Variants in HERC4 observed in about 807,000 individuals in gnomAD.
The protein encoded by HERC4 is HECT and RLD domain containing E3 ubiquitin protein ligase 4, also known as probable E3 ubiquitin-protein ligase HERC4.
Under a neutral mutation model 124.3 loss-of-function variants are expected in HERC4, and 28 were observed. The observed-to-expected ratio is 0.23, with a 90% CI of 0.17 to 0.31. The LOEUF (loss-of-function observed/expected upper bound fraction) is 0.31. Among genes scored for constraint, HERC4 ranks in the 10% least tolerant of loss-of-function variants. The probability of loss-of-function intolerance (pLI) is 1.00; values close to 1 mark genes in which losing one functional copy is unlikely to be tolerated. For synonymous variants in HERC4, 407 were observed against 421.5 expected (o/e 0.97, Z 0.42); for missense variants, 713 against 1,229.3 (o/e 0.58, Z 6.28).
intron 23 of HERC4, among the ~76,000 whole-genome samples, chr10:67,931,935 A>G (rs1359144484): frequency 6.6e-6 from 1 of 151,930 alleles, no homozygotes; most frequent in African/African-American, 2.4e-5. Flanking sequence ...TAATTTTTAA[A>G]ATTATTTTTA....
Position 67,966,621 on chromosome 10 carries a change from T to C in HERC4, c.1926+62A>G, listed in dbSNP as rs2034881874. On this transcript the variant is annotated intron_variant, in intron 16 of 24. Transcript: ENST00000373700. The stretch of plus-strand genomic sequence containing the variant: ...TTCTCATTTCAAAACCAAGCAATTG[T>C]TTCTTTTTTTATTAGATACATATAC... 3.3e-6 allele frequency: 5 copies of C among 1,499,102 alleles called. No homozygotes were observed. In the Admixed American group the frequency reaches 1.1e-4, roughly 34 times the overall value. 92.9% of individuals were successfully genotyped at this position (1,499,102 alleles called of 1,614,324 possible). A position where few individuals can be genotyped will look rare whatever the true frequency, so the allele number is the denominator to read the frequency against.
Position 67,922,696 on chromosome 10 carries a change from A to G in HERC4, c.*235T>C. The G allele has an allele frequency of 3.3e-6, 1 of 301,086 alleles. No homozygotes were observed. Among genetic ancestry groups the G allele is most frequent in the East Asian group, 5.3e-5 (1 of 18,812 alleles). The allele number at this position is 301,086 out of a possible 1,614,324, so 18.7% of individuals were successfully genotyped here. ...AGTAAAACTTTAATGTATTCATAAT[A>G]CTTGCTATGTTTATTAGAAGATGGT... On this transcript the variant is annotated 3_prime_UTR_variant, in exon 25 of 25. Coordinates refer to ENST00000373700, the MANE Select transcript of HERC4 (RefSeq NM_015601.4).
intron 16 of HERC4, among the ~76,000 whole-genome samples, chr10:67,958,082 C>T: frequency 6.6e-6 from 1 of 152,190 alleles, no homozygotes; most frequent in South Asian, 2.1e-4. Context: ...GCTGGGATTA[C>T]AGGCGTGAGC....
chr10:68,054,223 C>T (rs1294793855), intron 3 of HERC4, among the ~76,000 whole-genome samples: 1 of 152,134 alleles, frequency 6.6e-6, no homozygotes, highest in Non-Finnish European at 1.5e-5. Context: ...TCCATTCTTA[C>T]ACATGTATGC....
chr10:68,049,874 G>A (rs1366442247), intron 3 of HERC4, among the ~76,000 whole-genome samples: 1 of 152,116 alleles, frequency 6.6e-6, no homozygotes, highest in Non-Finnish European at 1.5e-5. Context: ...TTGTGCCACT[G>A]CACTCAAGCC....
chr10:67,978,672 T>C (rs2035745941), intron 15 of HERC4, among the ~76,000 whole-genome samples: 1 of 152,178 alleles, frequency 6.6e-6, no homozygotes, highest in African/African-American at 2.4e-5. Context: ...TGAGACCCAG[T>C]GCTGTGCTGG....
chr10:68,042,399 T>G (rs983455583), intron 4 of HERC4, among the ~76,000 whole-genome samples: 3 of 152,210 alleles, frequency 2.0e-5, no homozygotes, highest in Non-Finnish European at 4.4e-5. Flanking sequence ...CCAAAGCCGG[T>G]GAATCCCTTG....
chr10:68,047,298 G>GC (rs1312723341), intron 3 of HERC4, among the ~76,000 whole-genome samples: 96 of 151,572 alleles, frequency 6.3e-4, no homozygotes, highest in Non-Finnish European at 1.6e-4. Flanking sequence ...GTGGAGAAAT[G>GC]CAAATTCAAA....
intron 3 of HERC4, among the ~76,000 whole-genome samples, chr10:68,060,414 T>C (rs2040944138): frequency 6.6e-6 from 1 of 151,922 alleles, no homozygotes; most frequent in Non-Finnish European, 1.5e-5. Flanking sequence ...ATTTTTGTAT[T>C]TTTTTTAGTA....
intron 3 of HERC4, among the ~76,000 whole-genome samples, chr10:68,054,623 C>A (rs2040466487): frequency 6.6e-6 from 1 of 152,038 alleles, no homozygotes; most frequent in African/African-American, 2.4e-5. Context: ...GGATTACAGG[C>A]ATGAGACATA....
intron 5 of HERC4, among the ~76,000 whole-genome samples, chr10:68,035,726 A>G (rs977535111): frequency 2.0e-5 from 3 of 151,960 alleles, no homozygotes; most frequent in African/African-American, 7.3e-5. Flanking sequence ...GCCTTCCTTT[A>G]TATTCTCCAA....
At chr10:67,927,302 C>A (rs1235414554) in intron 23 of HERC4, among the ~76,000 whole-genome samples, 1 of 147,672 alleles carries the variant, frequency 6.8e-6, no homozygotes. Flanking sequence ...ACATTTAAAG[C>A]TCCAAATCAT....
At chr10:68,049,590 C>CCAAAAAAAAAA (rs1554827735) in intron 3 of HERC4, among the ~76,000 whole-genome samples, 1 of 42,622 alleles carries the variant, frequency 2.3e-5, no homozygotes, top group African/African-American at 1.2e-4. Flanking sequence ...GACACTGCCA[C>CCAAAAAAAAAA]AAAAAAAAAA....
At chr10:67,930,985 T>C (rs1263636860) in intron 23 of HERC4, among the ~76,000 whole-genome samples, 1 of 152,068 alleles carries the variant, frequency 6.6e-6, no homozygotes, top group Non-Finnish European at 1.5e-5. Flanking sequence ...TGGCTTAACC[T>C]AGCACTTTCT....
At chr10:68,059,519 CATA>C (rs570121388) in intron 3 of HERC4, among the ~76,000 whole-genome samples, 8,889 of 72,296 alleles carry the variant, frequency 0.12, 996 homozygotes, top group East Asian at 0.41. Context: ...TATTATATAT[CATA>C]ATAATATTAT....
Position 67,936,132 on chromosome 10 carries a change from T to C in HERC4, c.2654+21A>G, listed in dbSNP as rs2032336817. 5.3e-6 allele frequency: 8 copies of C among 1,505,682 alleles called. No homozygotes were observed. The South Asian group carries it at 6.2e-5, about 12-fold the overall frequency. The allele number at this position is 1,505,682 out of a possible 1,614,324, so 93.3% of individuals were successfully genotyped here. A position where few individuals can be genotyped will look rare whatever the true frequency, so the allele number is the denominator to read the frequency against. Reference sequence around the variant, plus strand: ...CTACTGAATCTTATTACTCCCACTGTTGCTGCTAAAATTCACTTACCGATT... The same window carrying C: ...CTACTGAATCTTATTACTCCCACTGCTGCTGCTAAAATTCACTTACCGATT... On this transcript the variant is annotated intron_variant, in intron 22 of 24. Transcript: ENST00000373700.
At chr10:67,972,758 A>C (rs541516713) in intron 15 of HERC4, among the ~76,000 whole-genome samples, 24 of 152,306 alleles carry the variant, frequency 1.6e-4, no homozygotes, top group African/African-American at 5.8e-4. Flanking sequence ...TTCATGAATC[A>C]GAAAGGAGAG....
At chr10:67,974,311 C>CT (rs1260144080) in intron 15 of HERC4, among the ~76,000 whole-genome samples, 2 of 152,010 alleles carry the variant, frequency 1.3e-5, no homozygotes, top group Non-Finnish European at 2.9e-5. Flanking sequence ...AATGCAGACC[C>CT]TATAGAGATG....
intron 3 of HERC4, among the ~76,000 whole-genome samples, chr10:68,052,161 G>A (rs2040348334): frequency 6.6e-6 from 1 of 152,108 alleles, no homozygotes; most frequent in Admixed American, 6.5e-5. Flanking sequence ...CAGAGACATA[G>A]GCAAAACCTG....
Sources: gnomAD v4.1 joint callset for allele counts (sites outside exome capture counted in the v4.1 genomes callset) on GRCh38, gnomAD v4.1.1 for gene constraint, MANE v1.5 for transcripts, NCBI Gene and HGNC (gene_info 2026-07-23, HGNC 2026-07-21) for gene names.